MAP3K13: variants seen among roughly 807,000 people sequenced by gnomAD.
The protein encoded by MAP3K13 is mitogen-activated protein kinase kinase kinase 13.
A neutral mutation model predicts 104.0 loss-of-function variants in MAP3K13; 52 were observed. The observed-to-expected ratio is 0.50, with a 90% CI of 0.40 to 0.63. The LOEUF is 0.63. Among genes scored for constraint, MAP3K13 ranks in the 20% least tolerant of loss-of-function variants. The probability of loss-of-function intolerance (pLI) is 0.00; values close to 1 mark genes in which losing one functional copy is unlikely to be tolerated. For missense variants in MAP3K13, 914 were observed against 1,218.5 expected (o/e 0.75, Z 3.72); for synonymous variants, 394 against 442.2 (o/e 0.89, Z 1.37).
chr3:185,455,528 T>C (rs1404255202), intron 7 of MAP3K13, among the ~76,000 whole-genome samples: 2 of 56,822 alleles, frequency 3.5e-5, no homozygotes, highest in African/African-American at 8.3e-5. Flanking sequence ...ATATGATATA[T>C]ATGAGATATA....
intron 1 of MAP3K13, among the ~76,000 whole-genome samples, chr3:185,413,516 G>C (rs531972893): frequency 1.3e-5 from 2 of 152,104 alleles, no homozygotes; most frequent in South Asian, 4.1e-4. Flanking sequence ...CAAGTATAGA[G>C]TTTTAATGTT....
chr3:185,387,170 C>A (rs565339357), intron 1 of MAP3K13, among the ~76,000 whole-genome samples: 17 of 152,264 alleles, frequency 1.1e-4, no homozygotes, highest in Middle Eastern at 3.4e-3. Flanking sequence ...TTTGTTCCCA[C>A]CAAATTTCAT....
chr3:185,480,125 T>C (rs1718358894), intron 12 of MAP3K13, 107 bp from the exon 13 acceptor site: 4 of 1,080,450 alleles, frequency 3.7e-6, no homozygotes, highest in Non-Finnish European at 5.4e-6. Flanking sequence ...GCCTCCTTGA[T>C]GGCAGGGAAA....
chr3:185,361,202 A>G (rs1723607398), upstream of MAP3K13, among the ~76,000 whole-genome samples: 1 of 149,742 alleles, frequency 6.7e-6, no homozygotes, highest in Non-Finnish European at 1.5e-5. Flanking sequence ...ACACACACAC[A>G]CAAATTGATG....
chr3:185,392,893 A>T (rs916147225), intron 1 of MAP3K13, among the ~76,000 whole-genome samples: 4 of 151,964 alleles, frequency 2.6e-5, no homozygotes, highest in African/African-American at 9.7e-5. Flanking sequence ...TATAAAAAAA[A>T]ATACAAAAAT....
chr3:185,369,757 C>A (rs1156700155), intron 1 of MAP3K13, among the ~76,000 whole-genome samples: 1 of 152,212 alleles, frequency 6.6e-6, no homozygotes, highest in East Asian at 1.9e-4. Context: ...TTGAATTGAA[C>A]CCTTGGTGTA....
chr3:185,395,353 A>ATTTTTTTTTTTTT (rs1560083058), intron 1 of MAP3K13, among the ~76,000 whole-genome samples: 2 of 18,512 alleles, frequency 1.1e-4, no homozygotes, highest in East Asian at 3.1e-3. Flanking sequence ...ATTCAATATT[A>ATTTTTTTTTTTTT]TTTCTTTTTT....
In MAP3K13 at chr3:185,418,685, T is replaced by C. The variant is rs1261212026; in HGVS notation, c.-85-9812T>C. The C allele has an allele frequency of 1.2e-6, 2 of 1,611,600 alleles. No homozygotes were observed. Among genetic ancestry groups the C allele is most frequent in the East Asian group, 2.2e-5 (1 of 44,872 alleles). The stretch of plus-strand genomic sequence containing the variant: ...ACAAAGTTCACAATATCTGGTCGAA[T>C]AGGAGCCTTGAATACAGCAGGCTAA... On this transcript the variant is annotated intron_variant, in intron 1 of 13. Transcript: ENST00000265026. This position sits in a 1 kb window ranked among gnomAD's most constrained non-coding sequence, Gnocchi z 4.5.
At chr3:185,421,632 A>G (rs1714138008) in intron 1 of MAP3K13, among the ~76,000 whole-genome samples, 1 of 152,094 alleles carries the variant, frequency 6.6e-6, no homozygotes. Flanking sequence ...CTTCTAATTT[A>G]TACTAGTTTT....
rs146191957 is a variant in MAP3K13 at position 185,428,581 on chromosome 3, G to A, written c.-1G>A. On this transcript the variant is annotated 5_prime_UTR_variant, in exon 2 of 14. Coordinates refer to ENST00000265026, the MANE Select transcript of MAP3K13 (RefSeq NM_004721.5). ...AGGACTTTGGTTATACTCATGGCAC[G>A]ATGGCCAACTTTCAGGAGCACCTGA... 2.9e-5 allele frequency: 45 copies of A among 1,578,630 alleles called. No individual in the cohort carries two copies. The highest frequency in any genetic ancestry group is 1.8e-4 in the Middle Eastern group (1 of 5,518).
intron 10 of MAP3K13, among the ~76,000 whole-genome samples, chr3:185,472,722 C>G (rs901371697): frequency 1.1e-4 from 16 of 152,150 alleles, no homozygotes; most frequent in African/African-American, 3.9e-4. Context: ...CAATCTAGAT[C>G]GTGCTTAGAG....
At chr3:185,374,622 A>C (rs1232986718) in intron 1 of MAP3K13, among the ~76,000 whole-genome samples, 2 of 152,140 alleles carry the variant, frequency 1.3e-5, no homozygotes, top group Non-Finnish European at 2.9e-5. Context: ...AGGGGGTCCA[A>C]GCGGGGTTAG....
At position 185,331,092 on chromosome 3, in the gene MAP3K13, C is replaced by CTTTTTT. The variant is rs34204309; in HGVS notation, c.-86+45462_-86+45467dup. ...CTTTTTTTCTTTTAACCTAATTTAC[C>CTTTTTT]TTTTTTTTTTTTTTTTTTGAGACGG... On this transcript the variant is annotated intron_variant, in intron 2 of 14. Coordinates refer to the MAP3K13 transcript ENST00000424227. 5.8e-3 allele frequency among the ~76,000 whole-genome samples: 628 copies of CTTTTTT among 108,512 alleles called. 18 individuals are homozygous for CTTTTTT. The highest frequency in any genetic ancestry group is 7.3e-3 in the Non-Finnish European group (410 of 56,266). The allele number at this position is 108,512 out of a possible 152,430, so 71.2% of individuals were successfully genotyped here. A position where few individuals can be genotyped will look rare whatever the true frequency, so the allele number is the denominator to read the frequency against.
In MAP3K13 at chr3:185,294,901, C is replaced by T. The variant is rs972616601; in HGVS notation, c.-86+9258C>T. ...TCCTAAATATCTTTCAAATTATTCA[C>T]CTGTTTCCATGTCCATCCTTATTTA... On this transcript the variant is annotated intron_variant, in intron 2 of 14. Transcript: ENST00000424227. Among the ~76,000 whole-genome samples the T allele has an allele frequency of 4.6e-5, 7 of 152,284 alleles. No homozygotes were observed. The East Asian group carries it at 1.3e-3, about 29-fold the overall frequency.
chr3:185,324,456 C>T (rs9290819), intron 2 of MAP3K13, among the ~76,000 whole-genome samples: 118,502 of 152,096 alleles, frequency 0.78, 46,687 homozygotes, highest in Non-Finnish European at 0.84. Flanking sequence ...TTTGATTCCT[C>T]CCATTTTCTG....
In MAP3K13 at chr3:185,455,497, C is replaced by CATATAT. The variant is rs1716519556; in HGVS notation, c.1278+4104_1278+4105insATATAT. 6.7e-4 allele frequency among the ~76,000 whole-genome samples: 6 copies of CATATAT among 9,020 alleles called. No homozygotes were observed. The East Asian group carries it at 9.6e-3, about 14-fold the overall frequency. 5.9% of individuals were successfully genotyped at this position (9,020 alleles called of 152,430 possible). A position where few individuals can be genotyped will look rare whatever the true frequency, so the allele number is the denominator to read the frequency against. ...ATACATGATATATATGAGATATATACATGAGATATATATGAGATATATATG... is the reference window on the plus strand; with the variant it reads ...ATACATGATATATATGAGATATATACATATATATGAGATATATATGAGATATATATG... On this transcript the variant is annotated intron_variant, in intron 7 of 13. Transcript: ENST00000265026.
intron 1 of MAP3K13, among the ~76,000 whole-genome samples, chr3:185,404,890 G>A (rs924066199): frequency 6.6e-6 from 1 of 152,004 alleles, no homozygotes; most frequent in African/African-American, 2.4e-5. Flanking sequence ...CCCTATGCTT[G>A]GTTTAATACT....
chr3:185,455,411 TGA>T lies in MAP3K13; in HGVS notation c.1278+4019_1278+4020del, dbSNP rs1264221917. Among the ~76,000 whole-genome samples the T allele has an allele frequency of 1.9e-4, 16 of 85,142 alleles. 1 individual carries two copies. The highest frequency in any genetic ancestry group is 6.4e-4 in the African/African-American group (16 of 25,082). The allele number at this position is 85,142 out of a possible 152,430, so 55.9% of individuals were successfully genotyped here. A position where few individuals can be genotyped will look rare whatever the true frequency, so the allele number is the denominator to read the frequency against. On this transcript the variant is annotated intron_variant, in intron 7 of 13. Transcript: ENST00000265026. Reference sequence around the variant, plus strand: ...ATATATCATATATGAGATATATATATGAGATATATATGATATATATGAGATAT... The same window carrying T: ...ATATATCATATATGAGATATATATATGATATATATGATATATATGAGATAT...
intron 2 of MAP3K13, among the ~76,000 whole-genome samples, chr3:185,294,734 T>C (rs550680285): frequency 6.6e-6 from 1 of 152,374 alleles, no homozygotes; most frequent in African/African-American, 2.4e-5. Flanking sequence ...AAAATGGCAT[T>C]GGTATTACTA....
Sources: gnomAD v4.1 joint callset for allele counts (sites outside exome capture counted in the v4.1 genomes callset) on GRCh38, gnomAD v4.1.1 for gene constraint, Gnocchi (gnomAD v3.1) non-coding constraint, MANE v1.5 for transcripts, NCBI Gene and HGNC (gene_info 2026-07-23, HGNC 2026-07-21) for gene names.